CNGB3: variants seen among roughly 807,000 people sequenced by gnomAD.
CNGB3 encodes cyclic nucleotide gated channel subunit beta 3, also known as cyclic nucleotide-gated channel beta-3.
A neutral mutation model predicts 92.8 loss-of-function variants in CNGB3; 86 were observed. The observed-to-expected ratio is 0.93, with a 90% CI of 0.78 to 1.11. The LOEUF is 1.11. CNGB3 is among the 50% of genes least tolerant of loss of function. The probability of loss-of-function intolerance (pLI) is 0.00; values close to 1 mark genes in which losing one functional copy is unlikely to be tolerated. For missense variants in CNGB3, 1,026 were observed against 956.8 expected (o/e 1.07, Z -0.95); for synonymous variants, 333 against 332.7 (o/e 1.00, Z -0.01).
intron 10 of CNGB3, among the ~76,000 whole-genome samples, chr8:86,635,863 T>TATAC (rs1563735421): frequency 3.6e-5 from 2 of 54,944 alleles, no homozygotes; most frequent in Non-Finnish European, 6.6e-5. Context: ...TATATATATA[T>TATAC]ACACATACAC....
At chr8:86,660,317 G>A (rs1357875184) in intron 6 of CNGB3, 6 of 350,298 alleles carry the variant, frequency 1.7e-5, no homozygotes, top group South Asian at 6.8e-5. Context: ...GTGGGGTTGG[G>A]GCCATATCAG....
intron 2 of CNGB3, among the ~76,000 whole-genome samples, chr8:86,735,921 AG>A (rs1825245124): frequency 6.6e-6 from 1 of 152,168 alleles, no homozygotes; most frequent in African/African-American, 2.4e-5. Flanking sequence ...GTCACTTAAA[AG>A]TATCGTAAAC....
At chr8:86,674,941 TTTGTTG>T (rs79993104) in intron 3 of CNGB3, among the ~76,000 whole-genome samples, 212 of 149,318 alleles carry the variant, frequency 1.4e-3, no homozygotes, top group South Asian at 2.1e-3. Context: ...TTTCTCTCTT[TTTGTTG>T]TTGTTGTTGT....
At chr8:86,695,969 A>T (rs570478235) in intron 3 of CNGB3, among the ~76,000 whole-genome samples, 2 of 152,180 alleles carry the variant, frequency 1.3e-5, no homozygotes, top group African/African-American at 4.8e-5. Flanking sequence ...GGTGCTGAGG[A>T]ATGTCTGAAA....
chr8:86,650,244 T>C (rs1483294398), intron 7 of CNGB3, among the ~76,000 whole-genome samples: 1 of 151,526 alleles, frequency 6.6e-6, no homozygotes, highest in Non-Finnish European at 1.5e-5. Flanking sequence ...ATGATTTTTT[T>C]TACTTGCTTT....
At position 86,632,780 on chromosome 8, in the gene CNGB3, A is replaced by T; in HGVS notation, c.1292T>A (p.Val431Asp). 6.2e-7 allele frequency: 1 copy of T among 1,613,062 alleles called. No homozygotes were observed. Among genetic ancestry groups the T allele is most frequent in the Non-Finnish European group, 8.5e-7 (1 of 1,179,772 alleles). The change falls in exon 11 of 18, where the codon GTT (valine) becomes GAT (aspartate). Residue 431 changes from valine to aspartate, a missense_variant. By Grantham distance (152) the Val-to-Asp change is radical (BLOSUM62 -3). Transcript: ENST00000320005. ...VFQLLNFFSG[V>D]FVFSSLIGQM... ...ACCAATTAAACTGGAGAACACAAAA[A>T]CTCCAGAAAAAAAATTCAAGAGTTG...
At chr8:86,722,323 A>G (rs1824986146) in intron 3 of CNGB3, among the ~76,000 whole-genome samples, 1 of 152,232 alleles carries the variant, frequency 6.6e-6, no homozygotes. Context: ...AGTGCCAGAA[A>G]TAAGCTGTTT....
chr8:86,597,474 G>A (rs2131553039), intron 15 of CNGB3, among the ~76,000 whole-genome samples: 1 of 152,324 alleles, frequency 6.6e-6, no homozygotes, highest in Non-Finnish European at 1.5e-5. Flanking sequence ...TGCTCCAAAA[G>A]AAAGGAACAT....
intron 3 of CNGB3, among the ~76,000 whole-genome samples, chr8:86,710,923 A>T (rs1455981547): frequency 6.6e-6 from 1 of 152,200 alleles, no homozygotes; most frequent in Non-Finnish European, 1.5e-5. Context: ...TTTTATAATG[A>T]AATTACCTGG....
chr8:86,685,870 C>T (rs1411392202), intron 3 of CNGB3, among the ~76,000 whole-genome samples: 4 of 152,020 alleles, frequency 2.6e-5, no homozygotes, highest in African/African-American at 9.7e-5. Flanking sequence ...TGGAACACAA[C>T]TAAATAAGAA....
intron 2 of CNGB3, among the ~76,000 whole-genome samples, chr8:86,738,511 G>C (rs1448587055): frequency 6.6e-6 from 1 of 152,126 alleles, no homozygotes; most frequent in African/African-American, 2.4e-5. Flanking sequence ...CTACTAATAA[G>C]GGCCCGAGCC....
rs913458569 is a variant in CNGB3, at chr8:86,640,539, C to T, written c.1178+3212G>A. 1.3e-4 allele frequency among the ~76,000 whole-genome samples: 20 copies of T among 152,090 alleles called. 1 individual carries two copies. Among genetic ancestry groups the T allele is most frequent in the Admixed American group, 1.2e-3 (18 of 15,246 alleles). On this transcript the variant is annotated intron_variant, in intron 10 of 17. Coordinates refer to ENST00000320005, the MANE Select transcript of CNGB3 (RefSeq NM_019098.5). ...GAAAGTAACTTTGAAATGACCAGTC[C>T]GTTTTTGTTCTCTGTTTCTGCTTTC...
At chr8:86,639,193 CTG>C (rs1020113525) in intron 10 of CNGB3, among the ~76,000 whole-genome samples, 2 of 151,908 alleles carry the variant, frequency 1.3e-5, no homozygotes, top group South Asian at 2.1e-4. Flanking sequence ...GGGACTGGGA[CTG>C]TGGATTTGTT....
At chr8:86,593,916 G>A (rs888484267) in intron 15 of CNGB3, 6 of 580,966 alleles carry the variant, frequency 1.0e-5, no homozygotes, top group Non-Finnish European at 1.9e-5. Context: ...CCGCCTGTGT[G>A]CCAGGGGCAG....
chr8:86,737,022 C>G (rs1324723010), intron 2 of CNGB3, among the ~76,000 whole-genome samples: 1 of 152,038 alleles, frequency 6.6e-6, no homozygotes, highest in Non-Finnish European at 1.5e-5. Flanking sequence ...CCCCCTTTCT[C>G]CTCGGATAAG....
intron 10 of CNGB3, among the ~76,000 whole-genome samples, chr8:86,638,583 G>A (rs942989887): frequency 1.3e-5 from 2 of 152,046 alleles, no homozygotes; most frequent in African/African-American, 2.4e-5. Context: ...GAGGGAGAAC[G>A]GTCTTATTAG....
At chr8:86,714,933 A>G (rs1824822200) in intron 3 of CNGB3, among the ~76,000 whole-genome samples, 1 of 152,010 alleles carries the variant, frequency 6.6e-6, no homozygotes, top group Admixed American at 6.6e-5. Flanking sequence ...CCCTGGGAAT[A>G]TAACTCCTTT....
At chr8:86,593,073 T>G (rs898675795) in intron 15 of CNGB3, among the ~76,000 whole-genome samples, 1 of 152,164 alleles carries the variant, frequency 6.6e-6, no homozygotes. Context: ...AGCCTAGATT[T>G]TTTTTCTGTA....
chr8:86,643,705 A>G, intron 10 of CNGB3, 46 bp downstream of exon 10: 1 of 1,587,834 alleles, frequency 6.3e-7, no homozygotes, highest in Non-Finnish European at 8.6e-7. Context: ...ATGAAACAGA[A>G]TGTTAAAAAT....
Sources: allele counts gnomAD v4.1 joint callset (sites outside exome capture counted in the v4.1 genomes callset), GRCh38; gene constraint gnomAD v4.1.1; transcripts MANE v1.5; gene names NCBI Gene and HGNC (gene_info 2026-07-23, HGNC 2026-07-21).